Variants in SPECC1 observed in about 807,000 individuals in gnomAD.
SPECC1 encodes the protein sperm antigen with calponin homology and coiled-coil domains 1.
SPECC1 carries 62 observed loss-of-function variants against 104.1 expected under a neutral mutation model. That is an observed-to-expected ratio of 0.60 (90% confidence interval 0.49 to 0.74). The LOEUF is 0.74. Among genes scored for constraint, SPECC1 ranks in the 30% least tolerant of loss-of-function variants. The pLI is 0.00. For missense variants in SPECC1, 1,306 were observed against 1,310.5 expected (o/e 1.00, Z 0.05); for synonymous variants, 513 against 501.6 (o/e 1.02, Z -0.30).
At chr17:20,238,660 A>G in intron 7 of SPECC1, 1 of 1,040,066 alleles carries the variant, frequency 9.6e-7, no homozygotes, top group Non-Finnish European at 1.2e-6. Context: ...ACTTGTGAAT[A>G]GGACTGAAAT....
intron 1 of SPECC1, among the ~76,000 whole-genome samples, chr17:20,048,998 G>A (rs572708649): frequency 6.6e-6 from 1 of 152,168 alleles, no homozygotes; most frequent in South Asian, 2.1e-4. Context: ...GGGAAGGAGG[G>A]AAAAGAAGAT....
intron 4 of SPECC1, among the ~76,000 whole-genome samples, chr17:20,217,437 C>T (rs985087726): frequency 1.2e-4 from 18 of 152,106 alleles, no homozygotes; most frequent in Admixed American, 1.3e-4. Flanking sequence ...TGTAACTTGG[C>T]GCAGAGCCTT....
At chr17:20,113,351 A>C (rs2048588708) in intron 3 of SPECC1, among the ~76,000 whole-genome samples, 1 of 152,188 alleles carries the variant, frequency 6.6e-6, no homozygotes, top group Non-Finnish European at 1.5e-5. Context: ...TGAGGATTTT[A>C]ATTTATGGAA....
At chr17:20,253,423 C>T (rs576538287) in intron 9 of SPECC1, 82 bp from the exon 10 acceptor site, 22 of 1,343,562 alleles carry the variant, frequency 1.6e-5, no homozygotes, top group Admixed American at 5.5e-5. Context: ...TGCACACACA[C>T]GCATGCACAC....
intron 1 of SPECC1, among the ~76,000 whole-genome samples, chr17:20,040,859 C>T (rs748631893): frequency 3.3e-5 from 5 of 152,076 alleles, no homozygotes; most frequent in Non-Finnish European, 5.9e-5. Context: ...TGTCTCTTGC[C>T]AAATTTGGGA....
chr17:20,144,213 CTCTG>C (rs2031204725), intron 3 of SPECC1, among the ~76,000 whole-genome samples: 1 of 104,682 alleles, frequency 9.6e-6, no homozygotes, highest in South Asian at 3.4e-4. Flanking sequence ...GAGGCAGGGT[CTCTG>C]TCTGTCACCG....
intron 12 of SPECC1, among the ~76,000 whole-genome samples, chr17:20,273,926 G>A (rs2040491791): frequency 6.6e-6 from 1 of 152,064 alleles, no homozygotes; most frequent in African/African-American, 2.4e-5. Context: ...GTGGTTTTCT[G>A]GGGCTTCACG....
chr17:20,101,816 A>C (rs919875118), intron 2 of SPECC1, among the ~76,000 whole-genome samples: 1 of 152,200 alleles, frequency 6.6e-6, no homozygotes, highest in Non-Finnish European at 1.5e-5. Flanking sequence ...ATGTCTGCTC[A>C]AGTTTGAGAA....
At chr17:20,072,699 G>A (rs191022488) in intron 1 of SPECC1, among the ~76,000 whole-genome samples, 1 of 152,274 alleles carries the variant, frequency 6.6e-6, no homozygotes, top group Admixed American at 6.5e-5. Context: ...TGTCACAGAG[G>A]CTCTGCAAAC....
At chr17:20,306,185 C>G in intron 14 of SPECC1, 103 bp downstream of exon 14, 2 of 1,112,258 alleles carry the variant, frequency 1.8e-6, no homozygotes, top group Non-Finnish European at 2.7e-6. Flanking sequence ...ATCTGTTTGC[C>G]GAAAGTCTGT....
At chr17:20,168,381 T>C (rs958561903) in intron 3 of SPECC1, among the ~76,000 whole-genome samples, 1 of 152,228 alleles carries the variant, frequency 6.6e-6, no homozygotes, top group African/African-American at 2.4e-5. Context: ...TGTATGTCAG[T>C]AATGCATTTA....
In SPECC1 at chr17:20,016,812, G is replaced by A. The variant is rs537195491; in HGVS notation, c.-22+7388G>A. 6.6e-5 allele frequency among the ~76,000 whole-genome samples: 10 copies of A among 152,390 alleles called. No homozygotes were observed. In the South Asian group the frequency reaches 1.4e-3, roughly 22 times the overall value. ...CACCAGAGGGCTGAGGAGTGCGGGC[G>A]CAGGGCGCGGGACTGGCAGGCAGCT... is the stretch of plus-strand genomic sequence containing the variant. On this transcript the variant is annotated intron_variant, in intron 1 of 14. Coordinates refer to ENST00000395527, the MANE Select transcript of SPECC1 (RefSeq NM_001243439.2).
chr17:20,040,774 T>C (rs2045292603), intron 1 of SPECC1, among the ~76,000 whole-genome samples: 2 of 152,228 alleles, frequency 1.3e-5, no homozygotes, highest in South Asian at 4.1e-4. Context: ...TTCAGAAGTT[T>C]GACTATGATG....
chr17:20,054,061 C>A (rs1163507412), intron 1 of SPECC1, among the ~76,000 whole-genome samples: 2 of 152,194 alleles, frequency 1.3e-5, no homozygotes, highest in East Asian at 3.8e-4. Context: ...TCTGATTTTT[C>A]TAGTCACTCT....
Position 20,150,553 on chromosome 17 carries a change from C to T in SPECC1, c.283+39991C>T, listed in dbSNP as rs556946820. Among the ~76,000 whole-genome samples, 190 of 151,590 alleles carry T rather than the reference C, an allele frequency of 1.3e-3. 1 individual carries two copies. The highest frequency in any genetic ancestry group is 3.4e-3 in the Middle Eastern group (1 of 292). Reference sequence around the variant, plus strand: ...ACTCGGGAGGCTGAGGCAGGAGAATCGCTTGAACTCGGGAGGCGGAGGTTG... The same window carrying T: ...ACTCGGGAGGCTGAGGCAGGAGAATTGCTTGAACTCGGGAGGCGGAGGTTG... On this transcript the variant is annotated intron_variant, in intron 3 of 14. Transcript: ENST00000395527.
In SPECC1 at chr17:20,228,703, A is replaced by G. The variant is rs58730168; in HGVS notation, c.2071+1083A>G. 6.8e-3 allele frequency among the ~76,000 whole-genome samples: 1,032 copies of G among 152,352 alleles called. 10 individuals carry two copies. The highest frequency in any genetic ancestry group is 0.024 in the African/African-American group (983 of 41,580). On this transcript the variant is annotated intron_variant, in intron 5 of 14. Transcript: ENST00000395527. Reference sequence around the variant, plus strand: ...ATCAAGTAACTTCTAGATGTTTGCCACTTAGTTGCTGAAGAGACATCAGCA... The same window carrying G: ...ATCAAGTAACTTCTAGATGTTTGCCGCTTAGTTGCTGAAGAGACATCAGCA...
At chr17:20,273,692 C>T (rs991641093) in intron 12 of SPECC1, among the ~76,000 whole-genome samples, 3 of 152,164 alleles carry the variant, frequency 2.0e-5, no homozygotes, top group African/African-American at 7.2e-5. Flanking sequence ...CCTGAAGCAC[C>T]TCTTGCCACC....
chr17:20,215,760 C>T (rs547286376), intron 4 of SPECC1, among the ~76,000 whole-genome samples: 1 of 152,154 alleles, frequency 6.6e-6, no homozygotes, highest in Non-Finnish European at 1.5e-5. Flanking sequence ...TTTCTTTGTT[C>T]TTTATATATT....
intron 7 of SPECC1, among the ~76,000 whole-genome samples, chr17:20,233,280 G>A (rs1043038549): frequency 3.3e-5 from 5 of 152,166 alleles, no homozygotes; most frequent in African/African-American, 1.2e-4. Context: ...GGTGGCCCTA[G>A]TGTTTACATG....
Sources: allele counts gnomAD v4.1 joint callset (sites outside exome capture counted in the v4.1 genomes callset), GRCh38; gene constraint gnomAD v4.1.1; transcripts MANE v1.5; gene names NCBI Gene and HGNC (gene_info 2026-07-23, HGNC 2026-07-21).